Variants in CIITA observed in about 807,000 individuals in gnomAD.
The protein encoded by CIITA is MHC class II transactivator.
Under a neutral mutation model 115.1 loss-of-function variants are expected in CIITA, and 72 were observed. The ratio of observed to expected loss-of-function variants is 0.63; its 90% CI spans 0.52 to 0.76. The LOEUF (loss-of-function observed/expected upper bound fraction) is 0.76, where lower values mean the gene tolerates loss of function less well. Among genes scored for constraint, CIITA ranks in the 30% least tolerant of loss-of-function variants. CIITA has a pLI of 0.00. For missense variants in CIITA, 1,617 were observed against 1,463.8 expected, an observed-to-expected ratio of 1.10 and a Z score of -1.71; for synonymous variants, 763 against 635.6, an observed-to-expected ratio of 1.20 and a Z score of -3.02.
At chr16:10,903,560 C>G (rs989069583) in intron 8 of CIITA, among the ~76,000 whole-genome samples, 171 bp from the exon 9 acceptor site, 3 of 152,214 alleles carry the variant, frequency 2.0e-5, no homozygotes, top group Non-Finnish European at 4.4e-5. Flanking sequence ...CTAGATGTAA[C>G]TCCAGAGCTC....
chr16:10,895,186 T>C (rs1303733906), intron 1 of CIITA, 96 bp from the exon 2 acceptor site: 1 of 1,444,130 alleles, frequency 6.9e-7, no homozygotes, highest in Non-Finnish European at 9.6e-7. Context: ...ACTCCTCTCA[T>C]CCCCAGCCCT....
chr16:10,910,827 G>A (rs1171192850), intron 13 of CIITA, among the ~76,000 whole-genome samples: 1 of 152,208 alleles, frequency 6.6e-6, no homozygotes, highest in Non-Finnish European at 1.5e-5. Flanking sequence ...TACTTCCACA[G>A]CCAAGGGATG....
At position 10,878,319 on chromosome 16, in the gene CIITA, G is replaced by A. The variant is rs1169630028; in HGVS notation, c.52+937G>A. ...AGTGTTGGAGGGGGAGAAGTCAGAG[G>A]TAACCTTGCCCCCTCCCTCAATTCC... On this transcript the variant is annotated intron_variant, in intron 1 of 19. Coordinates refer to ENST00000324288, the MANE Select transcript of CIITA (RefSeq NM_000246.4). Among the ~76,000 whole-genome samples the A allele has an allele frequency of 2.0e-5, 3 of 152,118 alleles. 1 individual carries two copies.
chr16:10,867,852 C>T (rs1478972113), intron 1 of CIITA, among the ~76,000 whole-genome samples: 1 of 152,136 alleles, frequency 6.6e-6, no homozygotes, highest in African/African-American at 2.4e-5. Context: ...ATTTGCGGTG[C>T]TTAAGTGATC....
At chr16:10,894,944 G>A (rs951170003) in intron 1 of CIITA, among the ~76,000 whole-genome samples, 8 of 152,200 alleles carry the variant, frequency 5.3e-5, no homozygotes, top group Non-Finnish European at 1.0e-4. Flanking sequence ...TGTGCCTGGC[G>A]TATAGGAGGT....
rs1472014638 is a variant in CIITA, at chr16:10,927,343, G to A, written c.*3488G>A. ...TCTTGTCCTAGGACATGAGCTCCAG[G>A]AGGGCGGGAAACATCTCGCTTTGTA... is the stretch of plus-strand genomic sequence containing the variant. On this transcript the variant is annotated 3_prime_UTR_variant, in exon 20 of 20. Transcript: ENST00000324288. The A allele has an allele frequency of 6.6e-6, 1 of 152,222 alleles. No individual in the cohort carries two copies. Among genetic ancestry groups the A allele is most frequent in the Admixed American group, 6.5e-5 (1 of 15,284 alleles). The allele number at this position is 152,222 out of a possible 1,614,324, so 9.4% of individuals were successfully genotyped here.
At chr16:10,872,242 C>G (rs1486692935), upstream of CIITA, among the ~76,000 whole-genome samples, 1 of 152,064 alleles carries the variant, frequency 6.6e-6, no homozygotes, top group African/African-American at 2.4e-5. Context: ...CCTGCCTCAG[C>G]CTCCCGAGTA....
At position 10,907,542 on chromosome 16, in the gene CIITA, G is replaced by C. The variant is rs763230543; in HGVS notation, c.2050G>C (p.Asp684His). 1 of 1,614,166 alleles carries C rather than the reference G, an allele frequency of 6.2e-7. No homozygotes were observed. Among genetic ancestry groups the C allele is most frequent in the Non-Finnish European group, 8.5e-7 (1 of 1,180,030 alleles). The change falls in exon 11 of 20, where the codon GAC (aspartate) becomes CAC (histidine). Residue 684 changes from aspartate to histidine, a missense_variant. Asp to His is a moderately conservative substitution (Grantham distance 81). Transcript: ENST00000324288. This position sits in a 1 kb window ranked among gnomAD's most constrained non-coding sequence, Gnocchi z 5.0. ...TLQEDQFPSA[D>H]VRTWAMAKGL... ...ACAGGAGGACCAGTTCCCATCCGCAGACGTGAGGACCTGGGCGATGGCCAA... is the reference window on the plus strand; with the variant it reads ...ACAGGAGGACCAGTTCCCATCCGCACACGTGAGGACCTGGGCGATGGCCAA...
At chr16:10,911,202 C>G (rs1850834493) in intron 13 of CIITA, among the ~76,000 whole-genome samples, 1 of 102,020 alleles carries the variant, frequency 9.8e-6, no homozygotes, top group African/African-American at 3.3e-5. Flanking sequence ...TTCTTTCTTT[C>G]TTTCCTTTCT....
chr16:10,877,390 G>C lies in CIITA; in HGVS notation c.52+8G>C. The C allele has an allele frequency of 6.2e-7, 1 of 1,612,176 alleles. No homozygotes were observed. Among genetic ancestry groups the C allele is most frequent in the Non-Finnish European group, 8.5e-7 (1 of 1,179,048 alleles). On this transcript the variant is annotated splice_region_variant and intron_variant, in intron 1 of 19. Coordinates refer to ENST00000324288, the MANE Select transcript of CIITA (RefSeq NM_000246.4). ...ACCTGTCAGAGCCCCAAGGTAAAAA[G>C]GCCGGGAAAGCATCTTAATTTAGCG...
intron 16 of CIITA, among the ~76,000 whole-genome samples, 166 bp downstream of exon 16, chr16:10,918,692 A>G (rs1283470903): frequency 1.3e-5 from 2 of 152,230 alleles, no homozygotes; most frequent in African/African-American, 4.8e-5. Context: ...TGAGCAAGTC[A>G]GTTATTCATT....
intron 1 of CIITA, among the ~76,000 whole-genome samples, chr16:10,888,076 C>T (rs1267635235): frequency 6.6e-6 from 1 of 152,168 alleles, no homozygotes; most frequent in Non-Finnish European, 1.5e-5. Context: ...CTCCCCTGGT[C>T]ACTCTCACAG....
intron 1 of CIITA, among the ~76,000 whole-genome samples, chr16:10,867,324 G>GGA (rs200584543): frequency 1.2e-4 from 4 of 32,730 alleles, no homozygotes; most frequent in Non-Finnish European, 8.2e-4. Context: ...TGTGTGTGTT[G>GGA]GGGGGGGGCA....
chr16:10,877,477 G>A, intron 1 of CIITA, 95 bp downstream of exon 1: 5 of 1,306,800 alleles, frequency 3.8e-6, no homozygotes, highest in Non-Finnish European at 3.3e-6. Flanking sequence ...ATTGGGGATG[G>A]GGGTGAGGAT....
intron 16 of CIITA, among the ~76,000 whole-genome samples, chr16:10,921,111 A>G (rs980880039): frequency 6.6e-6 from 1 of 151,828 alleles, no homozygotes; most frequent in Admixed American, 6.6e-5. Flanking sequence ...TAGGTGATCC[A>G]CCCGCCTCGG....
rs749556565 is a variant in CIITA, at chr16:10,895,703, C to G, written c.234C>G (p.Phe78Leu). The change falls in exon 3 of 20, where the codon TTC becomes TTG. Residue 78 changes from phenylalanine to leucine, a missense_variant. Phe to Leu is a conservative substitution (Grantham distance 22, BLOSUM62 0). Coordinates refer to ENST00000324288, the MANE Select transcript of CIITA (RefSeq NM_000246.4). ...CAGACACCATCAACTGCGACCAGTT[C>G]AGCAGGCTGTTGTGTGACATGGAAG... ...PDTDTINCDQ[F>L]SRLLCDMEGD... 8.7e-6 allele frequency: 14 copies of G among 1,614,030 alleles called. No homozygotes were observed. Among genetic ancestry groups the G allele is most frequent in the Non-Finnish European group, 1.2e-5 (14 of 1,180,044 alleles).
In CIITA at chr16:10,906,721, C is replaced by T. The variant is rs2039184493; in HGVS notation, c.1229C>T (p.Pro410Leu). Residue 410 changes from proline (P) to leucine (L), a missense_variant, in exon 11 of 20, where the codon CCG (proline) becomes CTG (leucine). Coordinates refer to ENST00000324288, the MANE Select transcript of CIITA (RefSeq NM_000246.4). ...TTGGCTGCCAAGGAGCACCGGCGGCCGCGTGAGACACGAGTGATTGCTGTG... is the reference window on the plus strand; with the variant it reads ...TTGGCTGCCAAGGAGCACCGGCGGCTGCGTGAGACACGAGTGATTGCTGTG... ...VLLAAKEHRR[P>L]RETRVIAVLG... 15 of 1,611,118 alleles carry T rather than the reference C, an allele frequency of 9.3e-6. No homozygotes were observed. Among genetic ancestry groups the T allele is most frequent in the East Asian group, 8.9e-5 (4 of 44,864 alleles).
At chr16:10,915,005 G>A (rs185732669) in intron 13 of CIITA, 114 of 454,504 alleles carry the variant, frequency 2.5e-4, no homozygotes, top group African/African-American at 2.0e-3. Flanking sequence ...ACAAAAGCTG[G>A]GGAGCCCCAA....
intron 1 of CIITA, chr16:10,866,540 C>G (rs535513859): frequency 1.8e-6 from 1 of 550,128 alleles, no homozygotes; most frequent in African/African-American, 1.9e-5. Flanking sequence ...CCCCCAGCAG[C>G]CGAGAGGGGC....
Sources: gnomAD v4.1 joint callset for allele counts (sites outside exome capture counted in the v4.1 genomes callset) on GRCh38, gnomAD v4.1.1 for gene constraint, Gnocchi (gnomAD v3.1) non-coding constraint, MANE v1.5 for transcripts, NCBI Gene and HGNC (gene_info 2026-07-23, HGNC 2026-07-21) for gene names.